Variants in SSH1 observed in about 807,000 individuals in gnomAD.
The protein encoded by SSH1 is protein phosphatase Slingshot homolog 1.
SSH1 carries 43 observed loss-of-function variants against 79.7 expected under a neutral mutation model. The ratio of observed to expected loss-of-function variants is 0.54; its 90% CI spans 0.42 to 0.70. SSH1 has a LOEUF of 0.70. SSH1 is among the 30% of genes least tolerant of loss of function. The pLI is 0.00. For missense variants in SSH1, 1,206 were observed against 1,358.8 expected, an observed-to-expected ratio of 0.89 and a Z score of 1.77; for synonymous variants, 599 against 538.3, an observed-to-expected ratio of 1.11 and a Z score of -1.56.
chr12:108,853,395 C>T (rs2039083184), intron 1 of SSH1: 1 of 968,356 alleles, frequency 1.0e-6, no homozygotes, highest in Non-Finnish European at 1.2e-6. Flanking sequence ...CACATACACA[C>T]CCCCCAAACA....
At chr12:108,846,856 C>T (rs1027426357) in intron 2 of SSH1, among the ~76,000 whole-genome samples, 5 of 152,110 alleles carry the variant, frequency 3.3e-5, no homozygotes, top group African/African-American at 7.2e-5. Context: ...TTGTGAAGAC[C>T]GAGCACAGCA....
chr12:108,817,226 T>A, intron 4 of SSH1, 67 bp from the exon 5 acceptor site: 1 of 1,599,356 alleles, frequency 6.3e-7, no homozygotes, highest in Non-Finnish European at 8.5e-7. Context: ...CCATCTCCAA[T>A]GCAAGATCAA....
At chr12:108,836,846 C>T (rs1217686549) in intron 2 of SSH1, 1 of 511,380 alleles carries the variant, frequency 2.0e-6, no homozygotes, top group South Asian at 1.4e-5. Flanking sequence ...ATGTTCCAGC[C>T]AAATACACGT....
At chr12:108,851,028 C>G (rs915216874) in intron 2 of SSH1, among the ~76,000 whole-genome samples, 1 of 152,062 alleles carries the variant, frequency 6.6e-6, no homozygotes, top group South Asian at 2.1e-4. Context: ...ATGACTGCCC[C>G]CATTGGGAAT....
intron 2 of SSH1, chr12:108,826,225 A>C: frequency 1.6e-5 from 7 of 445,792 alleles, no homozygotes; most frequent in South Asian, 9.6e-5. Context: ...GGAACAATGC[A>C]ACAGACTAGG....
In SSH1 at chr12:108,784,456, A is replaced by G. The variant is rs542954304; in HGVS notation, c.*3532T>C. 1.3e-5 allele frequency: 2 copies of G among 152,410 alleles called. No individual in the cohort carries two copies. Among genetic ancestry groups the G allele is most frequent in the East Asian group, 3.9e-4 (2 of 5,182 alleles). 9.4% of individuals were successfully genotyped at this position (152,410 alleles called of 1,614,324 possible). A position where few individuals can be genotyped will look rare whatever the true frequency, so the allele number is the denominator to read the frequency against. On this transcript the variant is annotated 3_prime_UTR_variant, in exon 15 of 15. Coordinates refer to ENST00000326495, the MANE Select transcript of SSH1 (RefSeq NM_018984.4). ...TGCCAAGGAGAAGGGCTTGCCACCC[A>G]GCAGAGAGCTATTCAACAGCCCAGA... is the stretch of plus-strand genomic sequence containing the variant.
chr12:108,846,116 C>A (rs557594711), intron 2 of SSH1, among the ~76,000 whole-genome samples: 3 of 152,024 alleles, frequency 2.0e-5, no homozygotes, highest in African/African-American at 7.3e-5. Context: ...GAAGGGAGTG[C>A]GGAGAGAAAG....
chr12:108,839,431 G>T (rs1351630417), intron 2 of SSH1, among the ~76,000 whole-genome samples: 1 of 152,200 alleles, frequency 6.6e-6, no homozygotes, highest in Non-Finnish European at 1.5e-5. Flanking sequence ...AGTGACAAGT[G>T]ATTTCCAGAT....
chr12:108,815,812 T>C (rs538528620), intron 5 of SSH1, among the ~76,000 whole-genome samples: 33 of 152,346 alleles, frequency 2.2e-4, no homozygotes, highest in African/African-American at 6.0e-4. Flanking sequence ...AACTTTCTCA[T>C]AGTGCTATTT....
chr12:108,851,383 T>C (rs1423525916), intron 2 of SSH1, among the ~76,000 whole-genome samples: 3 of 152,236 alleles, frequency 2.0e-5, no homozygotes, highest in East Asian at 1.9e-4. Flanking sequence ...TAATGAATGG[T>C]TGACCCCAAT....
At position 108,857,502 on chromosome 12, in the gene SSH1, C is replaced by A. The variant is rs1237848956; in HGVS notation, c.-6G>T. ...TGCAGGGTCACCAGGGCCATGGCTG[C>A]GGCGCGGTGCGAGGGCGCCACAGAC... On this transcript the variant is annotated 5_prime_UTR_variant, in exon 1 of 15. Transcript: ENST00000326495. The surrounding 1 kb of genome is among the most constrained non-coding windows in gnomAD (Gnocchi z 4.7). 3 of 1,131,848 alleles carry A rather than the reference C, an allele frequency of 2.7e-6. No individual in the cohort carries two copies. The Admixed American group carries it at 9.9e-5, about 37-fold the overall frequency. 70.1% of individuals were successfully genotyped at this position (1,131,848 alleles called of 1,614,324 possible).
At chr12:108,793,342 T>C (rs2036598415) in intron 13 of SSH1, among the ~76,000 whole-genome samples, 1 of 152,144 alleles carries the variant, frequency 6.6e-6, no homozygotes, top group Admixed American at 6.5e-5. Flanking sequence ...TTTGTTTAGG[T>C]TTAGGTCAGT....
At chr12:108,856,934 GCA>G (rs1373629825) in intron 1 of SSH1, among the ~76,000 whole-genome samples, 13 of 152,236 alleles carry the variant, frequency 8.5e-5, no homozygotes. Context: ...CCCGACAGAC[GCA>G]CAGTCCTCCC....
At chr12:108,856,633 G>A (rs1264722814) in intron 1 of SSH1, among the ~76,000 whole-genome samples, 4 of 152,202 alleles carry the variant, frequency 2.6e-5, no homozygotes, top group East Asian at 3.8e-4. Context: ...ACAGTGACAC[G>A]GGCACGCCTA....
chr12:108,838,046 AG>A (rs1460617885), intron 2 of SSH1, among the ~76,000 whole-genome samples: 1 of 152,182 alleles, frequency 6.6e-6, no homozygotes, highest in Non-Finnish European at 1.5e-5. Flanking sequence ...GGTCTCCCAA[AG>A]TGCTGGGATC....
Position 108,809,806 on chromosome 12 carries a change from G to A in SSH1, c.471-48C>T, listed in dbSNP as rs781032709. On this transcript the variant is annotated intron_variant, in intron 6 of 14. Coordinates refer to ENST00000326495, the MANE Select transcript of SSH1 (RefSeq NM_018984.4). ...AAGGTATCTGTGGTGAGAAATCAGC[G>A]CCTTGAGTGAAATCACTCTGGGAGG... 2.1e-5 allele frequency: 33 copies of A among 1,538,876 alleles called. No homozygotes were observed. The Admixed American group carries it at 2.3e-4, about 11-fold the overall frequency.
chr12:108,827,918 G>A (rs1319436674), intron 2 of SSH1, among the ~76,000 whole-genome samples: 2 of 152,190 alleles, frequency 1.3e-5, no homozygotes, highest in Non-Finnish European at 2.9e-5. Flanking sequence ...CCAGGTAGAG[G>A]GGACCACATG....
chr12:108,806,425 G>T, intron 8 of SSH1, 31 bp from the exon 9 acceptor site: 1 of 1,602,480 alleles, frequency 6.2e-7, no homozygotes, highest in Non-Finnish European at 8.6e-7. Flanking sequence ...GGAGAGCAAG[G>T]AGCTGTAGAA....
chr12:108,808,803 AGTCAC>A (rs940406077), intron 7 of SSH1, among the ~76,000 whole-genome samples: 5 of 136,198 alleles, frequency 3.7e-5, no homozygotes, highest in African/African-American at 1.1e-4. Context: ...TGTTTTATTT[AGTCAC>A]CCTCTTTTAC....
Sources: allele counts gnomAD v4.1 joint callset (sites outside exome capture counted in the v4.1 genomes callset), GRCh38; gene constraint gnomAD v4.1.1; non-coding constraint Gnocchi (gnomAD v3.1); transcripts MANE v1.5; gene names NCBI Gene and HGNC (gene_info 2026-07-23, HGNC 2026-07-21).